LDB3: variants seen among roughly 807,000 people sequenced by gnomAD.
LDB3 encodes the protein LIM domain-binding protein 3.
A neutral mutation model predicts 69.0 loss-of-function variants in LDB3; 49 were observed. The ratio of observed to expected loss-of-function variants is 0.71; its 90% CI spans 0.56 to 0.90. The LOEUF (loss-of-function observed/expected upper bound fraction) is 0.90. Ranked by LOEUF, LDB3 falls within the 40% of genes least tolerant of loss-of-function variation. The pLI is 0.00. For synonymous variants in LDB3, 387 were observed against 396.2 expected (o/e 0.98, Z 0.28); for missense variants, 928 against 974.1 (o/e 0.95, Z 0.63).
At chr10:86,724,523 G>C (rs994655637) in intron 12 of LDB3, among the ~76,000 whole-genome samples, 5 of 150,744 alleles carry the variant, frequency 3.3e-5, no homozygotes, top group African/African-American at 1.2e-4. Context: ...AGAATTGCTT[G>C]AACCCAGGAG....
intron 13 of LDB3, among the ~76,000 whole-genome samples, chr10:86,731,719 T>C (rs921384303): frequency 1.3e-5 from 2 of 152,158 alleles, no homozygotes; most frequent in Admixed American, 6.5e-5. Flanking sequence ...TAGTCACATC[T>C]CAATGGTTCT....
At chr10:86,730,931 T>C (rs12262050) in intron 13 of LDB3, among the ~76,000 whole-genome samples, 10,507 of 152,044 alleles carry the variant, frequency 0.069, 1,005 homozygotes, top group African/African-American at 0.21. Flanking sequence ...AGCAGGTGGA[T>C]TGCTTGGGGT....
rs775079950 is a variant in LDB3 at position 86,716,632 on chromosome 10, A to G, written c.1537A>G (p.Thr513Ala). Residue 513 changes from threonine to alanine, a missense_variant, in exon 10 of 14, where the codon ACC becomes GCC. By Grantham distance (58) the Thr-to-Ala change is moderately conservative. Coordinates refer to ENST00000361373, the MANE Select transcript of LDB3 (RefSeq NM_007078.3). ...GKSTTSISKQTLPRGGPAYTP... is the reference protein window; with the variant it reads ...GKSTTSISKQALPRGGPAYTP... ...GAGCACCACCTCCATCAGCAAGCAG[A>G]CCCTGCCCCGGGGAGGCCCAGCCTA... is the stretch of plus-strand genomic sequence containing the variant. 1 of 1,613,252 alleles carries G rather than the reference A, an allele frequency of 6.2e-7. No individual in the cohort carries two copies. Among genetic ancestry groups the G allele is most frequent in the Non-Finnish European group, 8.5e-7 (1 of 1,179,788 alleles).
intron 2 of LDB3, among the ~76,000 whole-genome samples, chr10:86,671,991 G>C (rs1454816783): frequency 6.6e-6 from 1 of 152,080 alleles, no homozygotes; most frequent in Non-Finnish European, 1.5e-5. Context: ...ACATGCTTGT[G>C]ATCCCAGCTA....
At chr10:86,683,974 G>A (rs1244932769) in intron 5 of LDB3, among the ~76,000 whole-genome samples, 1 of 152,224 alleles carries the variant, frequency 6.6e-6, no homozygotes, top group African/African-American at 2.4e-5. Flanking sequence ...GAGTCACAGT[G>A]CTAGGAAGAG....
chr10:86,696,621 C>T (rs1427129137), intron 7 of LDB3, among the ~76,000 whole-genome samples: 1 of 152,212 alleles, frequency 6.6e-6, no homozygotes, highest in East Asian at 1.9e-4. Context: ...ACCCAGCCTC[C>T]ACAGGCCTTG....
At chr10:86,685,113 G>A (rs899912757) in intron 5 of LDB3, among the ~76,000 whole-genome samples, 5 of 152,160 alleles carry the variant, frequency 3.3e-5, no homozygotes, top group African/African-American at 7.2e-5. Flanking sequence ...AGCTGCCTGC[G>A]TCTCTTCTGG....
At chr10:86,673,619 G>T (rs2132338378) in intron 2 of LDB3, among the ~76,000 whole-genome samples, 1 of 152,296 alleles carries the variant, frequency 6.6e-6, no homozygotes. Flanking sequence ...GGGGAGGCCA[G>T]ATGGGAAGGC....
At chr10:86,668,926 C>T (rs1431106281) in intron 2 of LDB3, 142 bp downstream of exon 2, 1 of 684,032 alleles carries the variant, frequency 1.5e-6, no homozygotes, top group Non-Finnish European at 2.5e-6. Flanking sequence ...GCCTGGTCCT[C>T]TGGTCTCAGC....
intron 2 of LDB3, among the ~76,000 whole-genome samples, chr10:86,670,066 AAGT>A (rs1240743045): frequency 6.6e-6 from 1 of 152,098 alleles, no homozygotes; most frequent in Non-Finnish European, 1.5e-5. Context: ...GGGACCCCAG[AAGT>A]AGAAGCCCCA....
Position 86,687,317 on chromosome 10 carries a change from C to G in LDB3, c.690-4579C>G. The G allele has an allele frequency of 1.9e-6, 3 of 1,575,210 alleles. No individual in the cohort carries two copies. In the East Asian group the frequency reaches 6.7e-5, roughly 35 times the overall value. On this transcript the variant is annotated intron_variant, in intron 5 of 13. Transcript: ENST00000361373. Reference sequence around the variant, plus strand: ...ACCGCCACTCAGTGCCTCCAGAGCCCGAGGGGTATGGGCCATTGGGCACCA... The same window carrying G: ...ACCGCCACTCAGTGCCTCCAGAGCCGGAGGGGTATGGGCCATTGGGCACCA...
chr10:86,675,014 T>C (rs1297859492), intron 2 of LDB3, among the ~76,000 whole-genome samples: 2 of 152,090 alleles, frequency 1.3e-5, no homozygotes, highest in Non-Finnish European at 2.9e-5. Context: ...CTGAGGGATG[T>C]TGGACCCTAC....
intron 8 of LDB3, among the ~76,000 whole-genome samples, chr10:86,709,381 G>C (rs574604867): frequency 6.6e-5 from 10 of 152,312 alleles, no homozygotes; most frequent in African/African-American, 2.4e-4. Context: ...TGTGTTGGGG[G>C]AGAGGGGGGT....
upstream of LDB3, among the ~76,000 whole-genome samples, chr10:86,667,606 C>T (rs1319319746): frequency 6.6e-6 from 1 of 152,346 alleles, no homozygotes. Flanking sequence ...CTTCTCCCTG[C>T]CCCCTGCCAT....
upstream of LDB3, chr10:86,668,385 T>A: frequency 2.1e-6 from 1 of 465,824 alleles, no homozygotes; most frequent in Non-Finnish European, 4.0e-6. Flanking sequence ...AGGGGCTATA[T>A]TAGCCGTGTG....
rs1846156577 is a variant in LDB3 at position 86,699,361 on chromosome 10, A to T, written c.896+6790A>T. The T allele has an allele frequency of 6.2e-7, 1 of 1,613,626 alleles. No homozygotes were observed. The highest frequency in any genetic ancestry group is 1.7e-5 in the Admixed American group (1 of 59,980). Reference sequence around the variant, plus strand: ...CATGGCCTTTCAGCCCAAATCCTTAATGTTAAAAGCTAAAAGGCTGCCTGG... The same window carrying T: ...CATGGCCTTTCAGCCCAAATCCTTATTGTTAAAAGCTAAAAGGCTGCCTGG... On this transcript the variant is annotated intron_variant, in intron 7 of 13. Coordinates refer to ENST00000361373, the MANE Select transcript of LDB3 (RefSeq NM_007078.3). This position sits in a 1 kb window ranked among gnomAD's most constrained non-coding sequence, Gnocchi z 4.9.
chr10:86,670,905 G>T (rs2244769), intron 2 of LDB3, among the ~76,000 whole-genome samples: 6 of 152,172 alleles, frequency 3.9e-5, no homozygotes, highest in Non-Finnish European at 7.4e-5. Context: ...TTGTGTCCTG[G>T]TTCAGTGCCG....
intron 5 of LDB3, chr10:86,686,962 C>T (rs1845510718): frequency 1.0e-6 from 1 of 1,002,590 alleles, no homozygotes; most frequent in Non-Finnish European, 1.6e-6. Flanking sequence ...GGAGATCTCT[C>T]TCGACACCCA....
Position 86,681,606 on chromosome 10 carries a change from G to A in LDB3, c.492G>A (p.Pro164=), listed in dbSNP as rs368407147. Residue 164 remains proline, a synonymous_variant, in exon 5 of 14, where the codon CCG becomes CCA. Coordinates refer to ENST00000361373, the MANE Select transcript of LDB3 (RefSeq NM_007078.3). ...SLAEASDPGP[P]RASLRAKTSP... ...CCGAGGCCTCTGACCCTGGCCCTCC[G>A]CGGGCCAGCCTGAGGGCCAAGACCA... is the stretch of plus-strand genomic sequence containing the variant. 27 of 1,613,006 alleles carry A rather than the reference G, an allele frequency of 1.7e-5. No individual in the cohort carries two copies. Among genetic ancestry groups the A allele is most frequent in the East Asian group, 4.5e-5 (2 of 44,862 alleles).
Sources: gnomAD v4.1 joint callset for allele counts (sites outside exome capture counted in the v4.1 genomes callset) on GRCh38, gnomAD v4.1.1 for gene constraint, Gnocchi (gnomAD v3.1) non-coding constraint, MANE v1.5 for transcripts, NCBI Gene and HGNC (gene_info 2026-07-23, HGNC 2026-07-21) for gene names.